LDLRAD3: variants seen among roughly 807,000 people sequenced by gnomAD.
LDLRAD3 encodes the protein low-density lipoprotein receptor class A domain-containing protein 3.
Under a neutral mutation model 29.4 loss-of-function variants are expected in LDLRAD3, and 20 were observed. The ratio of observed to expected loss-of-function variants is 0.68; its 90% CI spans 0.48 to 0.99. The LOEUF is 0.99. Ranked by LOEUF, LDLRAD3 falls within the 50% of genes least tolerant of loss-of-function variation. LDLRAD3 has a pLI of 0.00. For missense variants in LDLRAD3, 420 were observed against 454.3 expected (o/e 0.92, Z 0.69); for synonymous variants, 157 against 192.7 (o/e 0.81, Z 1.53).
intron 1 of LDLRAD3, among the ~76,000 whole-genome samples, chr11:35,980,621 G>A (rs971804227): frequency 4.6e-5 from 7 of 152,296 alleles, no homozygotes; most frequent in African/African-American, 1.4e-4. Flanking sequence ...GCGAACAGGT[G>A]CTGATAAATC....
rs1244773312 is a variant in LDLRAD3 at position 36,061,100 on chromosome 11, T to G, written c.194-20553T>G. Among the ~76,000 whole-genome samples the G allele has an allele frequency of 1.1e-4, 17 of 151,834 alleles. 1 individual carries two copies. The highest frequency in any genetic ancestry group is 1.0e-3 in the Admixed American group (16 of 15,250). On this transcript the variant is annotated intron_variant, in intron 2 of 5. Coordinates refer to ENST00000315571, the MANE Select transcript of LDLRAD3 (RefSeq NM_174902.4). ...ACACACAATAAACATTTAGTAAGAG[T>G]GTCTTCTTCCTCTTCCTCATTTACG...
intron 2 of LDLRAD3, among the ~76,000 whole-genome samples, chr11:36,062,253 A>G (rs993128548): frequency 1.4e-4 from 21 of 152,312 alleles, no homozygotes; most frequent in Middle Eastern, 3.4e-3. Context: ...ATGATATAGA[A>G]TATAAAGTTT....
intron 2 of LDLRAD3, 31 bp downstream of exon 2, chr11:36,036,280 G>T: frequency 6.2e-7 from 1 of 1,613,510 alleles, no homozygotes; most frequent in Non-Finnish European, 8.5e-7. Context: ...CTGGGGTGGG[G>T]TGGCAGCCAT....
intron 1 of LDLRAD3, among the ~76,000 whole-genome samples, chr11:35,994,181 A>G (rs1013300520): frequency 6.6e-6 from 1 of 151,888 alleles, no homozygotes; most frequent in African/African-American, 2.4e-5. Flanking sequence ...CACCACAATA[A>G]AGTGAGTCAC....
At chr11:36,081,034 A>C (rs574973018) in intron 2 of LDLRAD3, among the ~76,000 whole-genome samples, 75 of 152,290 alleles carry the variant, frequency 4.9e-4, no homozygotes, top group African/African-American at 1.5e-3. Flanking sequence ...TAAACAGTTT[A>C]GGTACAGTGA....
intron 4 of LDLRAD3, among the ~76,000 whole-genome samples, chr11:36,154,218 G>A (rs1190657061): frequency 2.0e-5 from 3 of 152,172 alleles, no homozygotes; most frequent in African/African-American, 4.8e-5. Context: ...CACACCGACT[G>A]AAAGTAAGTC....
At chr11:36,135,000 C>G (rs565729546) in intron 4 of LDLRAD3, among the ~76,000 whole-genome samples, 3 of 152,228 alleles carry the variant, frequency 2.0e-5, no homozygotes, top group Admixed American at 2.0e-4. Context: ...CTCTCAGCAC[C>G]CTTCTTTTCT....
intron 1 of LDLRAD3, among the ~76,000 whole-genome samples, chr11:35,977,737 C>T (rs1489761085): frequency 1.3e-5 from 2 of 152,136 alleles, no homozygotes; most frequent in Non-Finnish European, 2.9e-5. Context: ...AAGTCACCAG[C>T]AGATTCCGTG....
intron 4 of LDLRAD3, among the ~76,000 whole-genome samples, chr11:36,187,305 T>A (rs1854865743): frequency 6.6e-6 from 1 of 152,212 alleles, no homozygotes; most frequent in Non-Finnish European, 1.5e-5. Context: ...CCAGCATGAT[T>A]TGGTGAAAAT....
At chr11:36,158,004 A>T (rs1170544992) in intron 4 of LDLRAD3, among the ~76,000 whole-genome samples, 1 of 152,190 alleles carries the variant, frequency 6.6e-6, no homozygotes, top group African/African-American at 2.4e-5. Context: ...TTTATATCAC[A>T]AATATACAGA....
chr11:36,139,400 G>T (rs1854047508), intron 4 of LDLRAD3, among the ~76,000 whole-genome samples: 1 of 152,128 alleles, frequency 6.6e-6, no homozygotes. Context: ...TCCCCATTCA[G>T]GTCTCACTGT....
At chr11:36,228,621 G>C (rs1396474690) in intron 5 of LDLRAD3, among the ~76,000 whole-genome samples, 1 of 152,242 alleles carries the variant, frequency 6.6e-6, no homozygotes, top group Non-Finnish European at 1.5e-5. Context: ...CTCATGAGAA[G>C]CCTTCAGTAA....
intron 4 of LDLRAD3, among the ~76,000 whole-genome samples, chr11:36,191,114 G>A (rs929450639): frequency 2.0e-5 from 3 of 152,192 alleles, no homozygotes; most frequent in African/African-American, 7.2e-5. Context: ...ACCTTAGAGA[G>A]TGAAAAGGAG....
chr11:36,191,397 G>C (rs1854939872), intron 4 of LDLRAD3, among the ~76,000 whole-genome samples: 1 of 151,602 alleles, frequency 6.6e-6, no homozygotes, highest in Admixed American at 6.6e-5. Context: ...AATTATTATA[G>C]CTGGGCGTGG....
rs762189885 is a variant in LDLRAD3 at position 36,098,435 on chromosome 11, A to G, written c.428A>G (p.Asp143Gly). 2.5e-6 allele frequency: 4 copies of G among 1,614,132 alleles called. No homozygotes were observed. Among genetic ancestry groups the G allele is most frequent in the African/African-American group, 1.3e-5 (1 of 74,946 alleles). ...DGQNNCQDNS[D>G]EESCESSQEP... ...CAGAATAACTGTCAAGACAACAGTGATGAGGAAAGCTGTGAAAGTTCTCAA... is the reference window on the plus strand; with the variant it reads ...CAGAATAACTGTCAAGACAACAGTGGTGAGGAAAGCTGTGAAAGTTCTCAA... Residue 143 changes from aspartate (D) to glycine (G), a missense_variant, in exon 4 of 6, where the codon GAT becomes GGT. Asp to Gly is a moderately conservative substitution (Grantham distance 94, BLOSUM62 -1). This residue lies in a region of LDLRAD3 where 224 missense variants were observed against 222.2 expected (regional missense o/e 1.01). Transcript: ENST00000315571.
chr11:36,203,614 T>A (rs1590353422), intron 4 of LDLRAD3, among the ~76,000 whole-genome samples: 5 of 152,286 alleles, frequency 3.3e-5, no homozygotes, highest in Admixed American at 3.3e-4. Context: ...CTTGGAAAAT[T>A]TCCCCAGGCG....
At chr11:36,134,931 T>C (rs533058310) in intron 4 of LDLRAD3, among the ~76,000 whole-genome samples, 1 of 152,266 alleles carries the variant, frequency 6.6e-6, no homozygotes, top group African/African-American at 2.4e-5. Flanking sequence ...TAATGACTTC[T>C]TCCAGCTCCC....
intron 4 of LDLRAD3, among the ~76,000 whole-genome samples, chr11:36,122,054 A>G (rs1172683406): frequency 6.6e-6 from 1 of 152,212 alleles, no homozygotes; most frequent in East Asian, 1.9e-4. Context: ...GAGGTCATCC[A>G]GTAAATGGCA....
At chr11:36,009,172 A>G (rs1469571114) in intron 1 of LDLRAD3, among the ~76,000 whole-genome samples, 1 of 152,038 alleles carries the variant, frequency 6.6e-6, no homozygotes, top group Admixed American at 6.6e-5. Context: ...TCCCCAACTC[A>G]TATCTGTGGC....
Sources: allele counts gnomAD v4.1 joint callset (sites outside exome capture counted in the v4.1 genomes callset), GRCh38; gene constraint gnomAD v4.1.1; regional missense constraint gnomAD v4.1.1; transcripts MANE v1.5; gene names NCBI Gene and HGNC (gene_info 2026-07-23, HGNC 2026-07-21).